Variants in DHX8 observed in about 807,000 individuals in gnomAD.
DHX8 encodes the protein DEAH-box helicase 8, also known as ATP-dependent RNA helicase DHX8.
DHX8 carries 67 observed loss-of-function variants against 140.7 expected under a neutral mutation model. That is an observed-to-expected ratio of 0.48 (90% CI 0.39 to 0.58). DHX8 has a LOEUF of 0.58. Among genes scored for constraint, DHX8 ranks in the 20% least tolerant of loss-of-function variants. The pLI is 0.00. For missense variants in DHX8, 887 were observed against 1,550.7 expected (o/e 0.57, Z 7.19); for synonymous variants, 533 against 553.2 (o/e 0.96, Z 0.51).
intron 16 of DHX8, among the ~76,000 whole-genome samples, chr17:43,511,233 G>T (rs1316423850): frequency 6.6e-6 from 1 of 151,952 alleles, no homozygotes; most frequent in East Asian, 1.9e-4. Flanking sequence ...GGGAGGCTGG[G>T]ACAGGAGAAT....
chr17:43,542,171 A>G (rs1296510218), intron 3 of DHX8, among the ~76,000 whole-genome samples: 2 of 152,164 alleles, frequency 1.3e-5, no homozygotes, highest in Non-Finnish European at 1.5e-5. Flanking sequence ...GCGCAGATCG[A>G]TCGATCCCTT....
intron 12 of DHX8, among the ~76,000 whole-genome samples, chr17:43,506,666 G>A: frequency 6.6e-6 from 1 of 151,746 alleles, no homozygotes; most frequent in East Asian, 1.9e-4. Flanking sequence ...ATTTGGATAG[G>A]CTCTGGTTTA....
chr17:43,532,920 G>T, intron 2 of DHX8: 1 of 1,577,812 alleles, frequency 6.3e-7, no homozygotes. Context: ...CAAATGTCCA[G>T]GGGCTGCTGG....
In DHX8 at chr17:43,499,957, AC is replaced by A. The variant is rs758870499; in HGVS notation, c.1403del (p.Pro468GlnfsTer10). ...MDMSPIKIVKNPDGSLSQAAM... is the reference protein window; with the variant it reads ...MDMSPIKIVKXPDGSLSQAAM... ...TTGTTTTTTCTTCTGTTGCACCAGA[AC>A]CCAGACGGCTCCCTCTCCCAAGCAG... On this transcript the variant is annotated frameshift_variant and splice_region_variant, in exon 11 of 23. Transcript: ENST00000262415. LOFTEE classifies it high-confidence loss of function. 1.2e-6 allele frequency: 2 copies of A among 1,613,866 alleles called. No homozygotes were observed. The highest frequency in any genetic ancestry group is 1.7e-6 in the Non-Finnish European group (2 of 1,179,912).
At chr17:43,514,346 AAAT>A (rs903626775) in intron 17 of DHX8, among the ~76,000 whole-genome samples, 3 of 152,160 alleles carry the variant, frequency 2.0e-5, no homozygotes, top group African/African-American at 7.2e-5. Flanking sequence ...TGTGTCTCTA[AAAT>A]AATAATTTGT....
chr17:43,484,325 A>G lies in DHX8; in HGVS notation c.148+140A>G, dbSNP rs1359773184. On this transcript the variant is annotated intron_variant, in intron 1 of 22. Transcript: ENST00000262415. ...CTCTCTGTCGCAGACACCGGTGCCC[A>G]GGGTACACGCTGCCGTGGCCTCGGC... is the stretch of plus-strand genomic sequence containing the variant. 3 of 1,034,936 alleles carry G rather than the reference A, an allele frequency of 2.9e-6. No individual in the cohort carries two copies. The African/African-American group carries it at 4.8e-5, about 17-fold the overall frequency. 64.1% of individuals were successfully genotyped at this position (1,034,936 alleles called of 1,614,324 possible).
intron 15 of DHX8, 66 bp from the exon 16 acceptor site, chr17:43,508,273 C>A (rs898850708): frequency 7.8e-6 from 12 of 1,543,510 alleles, no homozygotes; most frequent in Non-Finnish European, 3.5e-6. Flanking sequence ...TTAATATCAC[C>A]ATAGCCCTTG....
At chr17:43,494,698 G>GAAAAAAAAAAAA (rs1968748065) in intron 8 of DHX8, among the ~76,000 whole-genome samples, 1 of 142,682 alleles carries the variant, frequency 7.0e-6, no homozygotes, top group African/African-American at 2.6e-5. Context: ...TCCAGCCTGG[G>GAAAAAAAAAAAA]CAACAGAACA....
At position 43,523,718 on chromosome 17, in the gene DHX8, A is replaced by C. The variant is rs1247104596; in HGVS notation, c.3534A>C (p.Pro1178=). The change falls in exon 23 of 23, where the codon CCA becomes CCC. Residue 1178 remains proline (P), a synonymous_variant. Coordinates refer to ENST00000262415, the MANE Select transcript of DHX8 (RefSeq NM_004941.3). ...IDPRWLVEFA[P]AFFKVSDPTK... ...CTCGGTGGCTTGTGGAGTTTGCCCCAGCCTTCTTCAAGGTCTCAGACCCAA... is the reference window on the plus strand; with the variant it reads ...CTCGGTGGCTTGTGGAGTTTGCCCCCGCCTTCTTCAAGGTCTCAGACCCAA... The C allele has an allele frequency of 6.2e-7, 1 of 1,614,212 alleles. No individual in the cohort carries two copies.
chr17:43,533,753 G>A (rs1971087418), intron 2 of DHX8: 1 of 1,418,944 alleles, frequency 7.0e-7, no homozygotes. Flanking sequence ...AATCCTTTCT[G>A]TTGTCTAACT....
intron 11 of DHX8, among the ~76,000 whole-genome samples, chr17:43,501,807 C>T (rs751422659): frequency 2.6e-5 from 4 of 152,068 alleles, no homozygotes; most frequent in Non-Finnish European, 4.4e-5. Flanking sequence ...AAGTTTGCAG[C>T]TGGCACATGG....
chr17:43,508,451 A>G lies in DHX8; in HGVS notation c.2433A>G (p.Pro811=), dbSNP rs765267556. The G allele has an allele frequency of 1.9e-6, 3 of 1,613,880 alleles. No individual in the cohort carries two copies. The highest frequency in any genetic ancestry group is 2.5e-6 in the Non-Finnish European group (3 of 1,179,906). ...ATGTTCCAGAGTTAATTATCCTCCC[A>G]GTGTACTCTGCTCTTCCCAGTGAGA... ...GPDVPELIIL[P]VYSALPSEMQ... is the part of the protein sequence containing the mutation. Residue 811 remains proline, a synonymous_variant, in exon 16 of 23, where the codon CCA becomes CCG. Transcript: ENST00000262415.
At position 43,496,428 on chromosome 17, in the gene DHX8, A is replaced by G. The variant is rs117446019; in HGVS notation, c.1300+160A>G. Among the ~76,000 whole-genome samples the G allele has an allele frequency of 7.6e-3, 1,151 of 152,242 alleles. 8 individuals are homozygous for G. The highest frequency in any genetic ancestry group is 0.012 in the Non-Finnish European group (829 of 68,012). On this transcript the variant is annotated intron_variant, in intron 9 of 22. Transcript: ENST00000262415. ...GGATCTCACCATGATGGAAGCAAGAAGTTCATTTTTCTGACAAGTGCTTAT... is the reference window on the plus strand; with the variant it reads ...GGATCTCACCATGATGGAAGCAAGAGGTTCATTTTTCTGACAAGTGCTTAT...
chr17:43,504,510 C>G (rs1250960540), intron 11 of DHX8, 134 bp from the exon 12 acceptor site: 2 of 821,756 alleles, frequency 2.4e-6, no homozygotes, highest in Admixed American at 2.5e-5. Flanking sequence ...TAATTTGTTT[C>G]TTTGAGTACT....
chr17:43,500,170 G>A, intron 11 of DHX8, 67 bp downstream of exon 11: 1 of 1,539,182 alleles, frequency 6.5e-7, no homozygotes, highest in Non-Finnish European at 8.9e-7. Flanking sequence ...ACAGGGAGGG[G>A]TCACTCCCGG....
intron 10 of DHX8, 84 bp downstream of exon 10, chr17:43,499,043 A>G: frequency 9.8e-7 from 1 of 1,020,764 alleles, no homozygotes; most frequent in Non-Finnish European, 1.4e-6. Context: ...AGATCTGCGT[A>G]AGTAGAACTT....
intron 3 of DHX8, among the ~76,000 whole-genome samples, chr17:43,538,551 A>G (rs1971360103): frequency 6.6e-6 from 1 of 152,172 alleles, no homozygotes; most frequent in South Asian, 2.1e-4. Context: ...CAGCTCATCC[A>G]TGGCTTCTAA....
chr17:43,538,722 CAAG>C (rs1288634795), intron 3 of DHX8, among the ~76,000 whole-genome samples: 4 of 152,120 alleles, frequency 2.6e-5, no homozygotes, highest in Admixed American at 6.5e-5. Flanking sequence ...ATGTAGACAC[CAAG>C]AAGAACTTCC....
chr17:43,489,383 C>A, intron 1 of DHX8, 66 bp from the exon 2 acceptor site: 4 of 1,122,512 alleles, frequency 3.6e-6, no homozygotes, highest in Non-Finnish European at 5.3e-6. Flanking sequence ...GTTTTGTTTT[C>A]ACCATACTTG....
Sources: gnomAD v4.1 joint callset for allele counts (sites outside exome capture counted in the v4.1 genomes callset) on GRCh38, gnomAD v4.1.1 for gene constraint, MANE v1.5 for transcripts, NCBI Gene and HGNC (gene_info 2026-07-23, HGNC 2026-07-21) for gene names.